GLT1D1: variants seen among roughly 807,000 people sequenced by gnomAD.
GLT1D1 encodes the protein glycosyltransferase 1 domain-containing protein 1.
Under a neutral mutation model 28.7 loss-of-function variants are expected in GLT1D1, and 21 were observed. The observed-to-expected ratio is 0.73, with a 90% CI of 0.52 to 1.05. The LOEUF (loss-of-function observed/expected upper bound fraction) is 1.05. Ranked by LOEUF, GLT1D1 falls within the 50% of genes least tolerant of loss-of-function variation. The pLI is 0.00. For synonymous variants in GLT1D1, 147 were observed against 124.8 expected (o/e 1.18, Z -1.19); for missense variants, 343 against 330.6 (o/e 1.04, Z -0.29).
intron 7 of GLT1D1, among the ~76,000 whole-genome samples, chr12:128,962,445 T>A (rs1878061816): frequency 6.6e-6 from 1 of 152,164 alleles, no homozygotes; most frequent in Non-Finnish European, 1.5e-5. Context: ...GGGAAAGACT[T>A]CCTGGCAAAC....
chr12:128,960,715 C>T (rs1228712117), intron 7 of GLT1D1, among the ~76,000 whole-genome samples: 1 of 151,774 alleles, frequency 6.6e-6, no homozygotes, highest in Non-Finnish European at 1.5e-5. Flanking sequence ...CGAGACTGCA[C>T]CGAGATTGCA....
intron 7 of GLT1D1, among the ~76,000 whole-genome samples, chr12:128,959,468 GCAGCA>G (rs1877705379): frequency 4.4e-5 from 4 of 90,416 alleles, no homozygotes; most frequent in Non-Finnish European, 6.7e-5. Context: ...TGGTGGGGGG[GCAGCA>G]AGGGAGTGGG....
chr12:128,958,866 C>T (rs1385683011), intron 7 of GLT1D1, among the ~76,000 whole-genome samples: 1 of 116,278 alleles, frequency 8.6e-6, no homozygotes, highest in African/African-American at 3.4e-5. Flanking sequence ...GAGACAGGGT[C>T]TCACTGTGTA....
chr12:128,941,167 T>C (rs1875184218), intron 4 of GLT1D1, among the ~76,000 whole-genome samples: 1 of 152,224 alleles, frequency 6.6e-6, no homozygotes, highest in Non-Finnish European at 1.5e-5. Flanking sequence ...CACTTCCTTG[T>C]CACGGCTGAG....
intron 7 of GLT1D1, among the ~76,000 whole-genome samples, chr12:128,969,847 G>A (rs1878858604): frequency 6.6e-6 from 1 of 152,174 alleles, no homozygotes; most frequent in African/African-American, 2.4e-5. Context: ...CCTCGCGTGG[G>A]TGCACCTGTT....
At chr12:128,966,522 T>A (rs470390) in intron 7 of GLT1D1, among the ~76,000 whole-genome samples, 3 of 151,964 alleles carry the variant, frequency 2.0e-5, no homozygotes, top group Non-Finnish European at 4.4e-5. Flanking sequence ...CTCCCCAACC[T>A]CCTCAGACTG....
chr12:128,930,914 G>A (rs1022824801), intron 4 of GLT1D1, among the ~76,000 whole-genome samples: 3 of 151,996 alleles, frequency 2.0e-5, no homozygotes, highest in Non-Finnish European at 4.4e-5. Flanking sequence ...TAGGAGAGAC[G>A]ACCGTTGTTG....
intron 4 of GLT1D1, 21 bp from the exon 8 acceptor site, chr12:128,927,082 TTG>T: frequency 3.3e-6 from 5 of 1,531,504 alleles, no homozygotes; most frequent in Non-Finnish European, 4.4e-6. Flanking sequence ...AAGTGTTTTT[TTG>T]TCTTCTTTTT....
At chr12:128,979,823 C>G (rs74627460) in intron 7 of GLT1D1, among the ~76,000 whole-genome samples, 3,166 of 152,100 alleles carry the variant, frequency 0.021, 65 homozygotes, top group Non-Finnish European at 0.03. Flanking sequence ...CCCAGCCTAC[C>G]TCATCAGTGC....
chr12:128,970,883 T>TA (rs1878970694), intron 7 of GLT1D1, among the ~76,000 whole-genome samples: 1 of 152,218 alleles, frequency 6.6e-6, no homozygotes, highest in African/African-American at 2.4e-5. Flanking sequence ...CAGGCATGTT[T>TA]ACTCATCAGC....
chr12:128,920,579 A>G (rs1224946047), intron 4 of GLT1D1, among the ~76,000 whole-genome samples: 1 of 152,194 alleles, frequency 6.6e-6, no homozygotes, highest in Admixed American at 6.6e-5. Flanking sequence ...AAGAAAAAAG[A>G]AAATAATAAA....
At chr12:128,903,690 G>C (rs559207239) in intron 4 of GLT1D1, among the ~76,000 whole-genome samples, 2 of 151,340 alleles carry the variant, frequency 1.3e-5, no homozygotes, top group African/African-American at 4.9e-5. Context: ...TGATTGATTA[G>C]GAACGACTCC....
At chr12:128,936,550 A>G (rs892418323) in intron 4 of GLT1D1, among the ~76,000 whole-genome samples, 3 of 152,120 alleles carry the variant, frequency 2.0e-5, no homozygotes, top group Non-Finnish European at 4.4e-5. Context: ...TTGGTTTTCT[A>G]TTAAAGCTTC....
chr12:128,931,519 G>T (rs1873885248), intron 4 of GLT1D1, among the ~76,000 whole-genome samples: 1 of 151,710 alleles, frequency 6.6e-6, no homozygotes, highest in South Asian at 2.1e-4. Context: ...TGTTGGCCAG[G>T]CTGGTCTCGA....
At chr12:128,980,703 C>T (rs919923475) in intron 7 of GLT1D1, among the ~76,000 whole-genome samples, 1 of 152,208 alleles carries the variant, frequency 6.6e-6, no homozygotes, top group Non-Finnish European at 1.5e-5. Flanking sequence ...TGGTGGTCTC[C>T]AGGGCCGGGG....
At chr12:128,954,968 C>G (rs1226527186) in intron 6 of GLT1D1, among the ~76,000 whole-genome samples, 1 of 152,106 alleles carries the variant, frequency 6.6e-6, no homozygotes, top group Non-Finnish European at 1.5e-5. Flanking sequence ...TCCTGGGACC[C>G]TGTCCCGTCT....
intron 1 of GLT1D1, among the ~76,000 whole-genome samples, chr12:128,859,281 G>A (rs189891411): frequency 2.0e-5 from 3 of 152,320 alleles, no homozygotes; most frequent in Admixed American, 2.0e-4. Flanking sequence ...GGCGTCTTAG[G>A]CAGAGCGTCA....
At chr12:128,859,048 C>T (rs993030415) in intron 1 of GLT1D1, among the ~76,000 whole-genome samples, 2 of 152,320 alleles carry the variant, frequency 1.3e-5, no homozygotes, top group Admixed American at 1.3e-4. Context: ...ATTGATGTCT[C>T]ATGCCTCCCT....
At chr12:128,924,115 C>G (rs919526542) in intron 4 of GLT1D1, among the ~76,000 whole-genome samples, 1 of 151,984 alleles carries the variant, frequency 6.6e-6, no homozygotes, top group South Asian at 2.1e-4. Context: ...CTCATGCAGC[C>G]GGGAGTCTCC....
Sources: allele counts gnomAD v4.1 joint callset (sites outside exome capture counted in the v4.1 genomes callset), GRCh38; gene constraint gnomAD v4.1.1; transcripts MANE v1.5; gene names NCBI Gene and HGNC (gene_info 2026-07-23, HGNC 2026-07-21).